Variants in MBD5 observed in about 807,000 individuals in gnomAD.
The protein encoded by MBD5 is methyl-CpG-binding domain protein 5.
Under a neutral mutation model 117.3 loss-of-function variants are expected in MBD5, and 13 were observed. The observed-to-expected ratio is 0.11, with a 90% CI of 0.07 to 0.18. The LOEUF is 0.18. Among genes scored for constraint, MBD5 ranks in the 10% least tolerant of loss-of-function variants. MBD5 has a pLI of 1.00. For synonymous variants in MBD5, 727 were observed against 766.4 expected (o/e 0.95, Z 0.85); for missense variants, 1,879 against 2,093.8 (o/e 0.90, Z 2.00).
At chr2:148,293,147 CAAAAAA>C (rs35179123) in intron 3 of MBD5, among the ~76,000 whole-genome samples, 3 of 84,924 alleles carry the variant, frequency 3.5e-5, no homozygotes, top group African/African-American at 9.3e-5. Context: ...AACCTTGCCT[CAAAAAA>C]AAAAAAAAAA....
chr2:148,428,298 G>A (rs1414498536), intron 4 of MBD5, among the ~76,000 whole-genome samples: 2 of 152,066 alleles, frequency 1.3e-5, no homozygotes, highest in South Asian at 2.1e-4. Context: ...GGGATGTGAA[G>A]GACCTCTTCA....
At chr2:148,236,322 A>G (rs926129669) in intron 3 of MBD5, among the ~76,000 whole-genome samples, 1 of 152,080 alleles carries the variant, frequency 6.6e-6, no homozygotes, top group Non-Finnish European at 1.5e-5. Flanking sequence ...TAAGGCAGAT[A>G]CTATTTGTAA....
In MBD5 at chr2:148,349,231, A is replaced by G. The variant is rs1265991552; in HGVS notation, c.-557+6895A>G. On this transcript the variant is annotated intron_variant, in intron 4 of 13. Coordinates refer to ENST00000642680, the MANE Select transcript of MBD5 (RefSeq NM_001378120.1). The stretch of plus-strand genomic sequence containing the variant: ...CAATTTTCTGATCCTAGATTTACCA[A>G]TGCTATTTAATCTCATTGAGTCTCT... 2.0e-5 allele frequency among the ~76,000 whole-genome samples: 3 copies of G among 152,050 alleles called. No homozygotes were observed. In the South Asian group the frequency reaches 6.2e-4, roughly 32 times the overall value.
chr2:148,348,957 C>T (rs956071373), intron 4 of MBD5, among the ~76,000 whole-genome samples: 4 of 151,810 alleles, frequency 2.6e-5, no homozygotes, highest in Non-Finnish European at 5.9e-5. Context: ...AATACCATTT[C>T]GAACTAGTCA....
Position 148,468,754 on chromosome 2 carries a change from ACTC to A in MBD5, c.815_817del (p.Pro272del). Reference sequence around the variant, plus strand: ...TTCTAGTCCTATTCACCTGAATAGGACTCCTCTTTCTCCACCTTCAGTAATGCT... The same window carrying A: ...TTCTAGTCCTATTCACCTGAATAGGACTCTTTCTCCACCTTCAGTAATGCT... On this transcript the variant is annotated inframe_deletion, in exon 8 of 14. Transcript: ENST00000642680. The A allele has an allele frequency of 6.2e-7, 1 of 1,612,216 alleles. No homozygotes were observed. Among genetic ancestry groups the A allele is most frequent in the Non-Finnish European group, 8.5e-7 (1 of 1,179,428 alleles).
chr2:148,325,768 G>A (rs1245769399), intron 3 of MBD5, among the ~76,000 whole-genome samples: 2 of 151,158 alleles, frequency 1.3e-5, no homozygotes, highest in Non-Finnish European at 2.9e-5. Flanking sequence ...CAATTTTGTT[G>A]ATCCTTTAAA....
chr2:148,513,483 T>G lies in MBD5; in HGVS notation c.*542T>G, dbSNP rs1235639987. ...TTTTCTATGATAATGTAAAAGATGC[T>G]GTTTTTGTATTTAACAGCAGAGAAA... On this transcript the variant is annotated 3_prime_UTR_variant, in exon 14 of 14. Coordinates refer to ENST00000642680, the MANE Select transcript of MBD5 (RefSeq NM_001378120.1). 6.3e-6 allele frequency: 1 copy of G among 158,672 alleles called. No homozygotes were observed. Among genetic ancestry groups the G allele is most frequent in the Non-Finnish European group, 1.4e-5 (1 of 71,526 alleles). The allele number at this position is 158,672 out of a possible 1,614,324, so 9.8% of individuals were successfully genotyped here. A position where few individuals can be genotyped will look rare whatever the true frequency, so the allele number is the denominator to read the frequency against.
At chr2:148,495,077 G>A (rs557641168) in intron 11 of MBD5, among the ~76,000 whole-genome samples, 3 of 152,236 alleles carry the variant, frequency 2.0e-5, no homozygotes, top group African/African-American at 7.2e-5. Context: ...TTTACTGTTC[G>A]TGGCTCAGTG....
chr2:148,025,589 T>C (rs1426178376), intron 1 of MBD5: 6 of 151,540 alleles, frequency 4.0e-5, no homozygotes, highest in Non-Finnish European at 7.4e-5. Flanking sequence ...ACTTAAATCT[T>C]TTTCTCAAAA....
In MBD5 at chr2:148,355,604, AT is replaced by A. The variant is rs1053906685; in HGVS notation, c.-557+13271del. Reference sequence around the variant, plus strand: ...CTGATGGTTGTAGATGTGTGATATTATTTCTGAGGTCTCTGTTCTGTTCCAT... The same window carrying A: ...CTGATGGTTGTAGATGTGTGATATTATTCTGAGGTCTCTGTTCTGTTCCAT... On this transcript the variant is annotated intron_variant, in intron 4 of 13. Coordinates refer to ENST00000642680, the MANE Select transcript of MBD5 (RefSeq NM_001378120.1). 9.7e-4 allele frequency among the ~76,000 whole-genome samples: 147 copies of A among 152,028 alleles called. 1 individual carries two copies. The highest frequency in any genetic ancestry group is 3.4e-3 in the African/African-American group (142 of 41,476).
chr2:148,141,110 C>T (rs1009979592), intron 1 of MBD5, among the ~76,000 whole-genome samples: 5 of 152,098 alleles, frequency 3.3e-5, no homozygotes, highest in African/African-American at 1.2e-4. Context: ...AAAGTGTAAT[C>T]AGAATTAGCT....
At chr2:148,157,237 A>G (rs568091532) in intron 1 of MBD5, among the ~76,000 whole-genome samples, 1 of 151,954 alleles carries the variant, frequency 6.6e-6, no homozygotes, top group African/African-American at 2.4e-5. Context: ...TGCTGCACCC[A>G]TCCACCTGTC....
intron 2 of MBD5, among the ~76,000 whole-genome samples, chr2:148,223,337 G>C (rs1699739280): frequency 6.6e-6 from 1 of 151,812 alleles, no homozygotes; most frequent in East Asian, 1.9e-4. Context: ...GAGTAGTATT[G>C]GTATTCATTT....
intron 3 of MBD5, chr2:148,264,343 A>G (rs1700806057): frequency 6.5e-6 from 1 of 152,752 alleles, no homozygotes; most frequent in South Asian, 2.1e-4. Context: ...AGGAAATAAT[A>G]ATAATTTACA....
At chr2:148,052,215 T>G (rs1231740740) in intron 1 of MBD5, among the ~76,000 whole-genome samples, 1 of 137,648 alleles carries the variant, frequency 7.3e-6, no homozygotes, top group Non-Finnish European at 1.6e-5. Flanking sequence ...AGTTTTTTTT[T>G]TTTTTTTTTT....
At chr2:148,338,988 C>G (rs1218646694) in intron 3 of MBD5, among the ~76,000 whole-genome samples, 2 of 152,120 alleles carry the variant, frequency 1.3e-5, no homozygotes, top group Non-Finnish European at 2.9e-5. Context: ...GACTTTTGAG[C>G]AGGCACTCGT....
chr2:148,438,186 A>G (rs916532781), intron 4 of MBD5, among the ~76,000 whole-genome samples: 1 of 152,248 alleles, frequency 6.6e-6, no homozygotes, highest in Non-Finnish European at 1.5e-5. Flanking sequence ...TATTGATGCT[A>G]TATGTGAAGC....
intron 4 of MBD5, among the ~76,000 whole-genome samples, chr2:148,405,228 G>A (rs953993474): frequency 6.6e-6 from 1 of 152,138 alleles, no homozygotes; most frequent in Non-Finnish European, 1.5e-5. Context: ...TCTAGTGATG[G>A]GAGAAAGGAA....
At chr2:148,446,720 T>G (rs977451247) in intron 4 of MBD5, among the ~76,000 whole-genome samples, 1 of 151,762 alleles carries the variant, frequency 6.6e-6, no homozygotes, top group Middle Eastern at 3.2e-3. Flanking sequence ...CAGAAGGTTA[T>G]CCAATGGTGG....
Sources: gnomAD v4.1 joint callset for allele counts (sites outside exome capture counted in the v4.1 genomes callset) on GRCh38, gnomAD v4.1.1 for gene constraint, MANE v1.5 for transcripts, NCBI Gene and HGNC (gene_info 2026-07-23, HGNC 2026-07-21) for gene names.